The following PPIL6 variants were observed in gnomAD, a reference collection of about 807,000 sequenced individuals.
PPIL6 encodes the protein probable inactive peptidyl-prolyl cis-trans isomerase-like 6.
In PPIL6, 39 loss-of-function variants were observed where a neutral mutation model predicts 36.8. The observed-to-expected ratio is 1.06, with a 90% CI of 0.82 to 1.38. The LOEUF is 1.38. Among genes scored for constraint, PPIL6 ranks in the 40% most tolerant of loss-of-function variants. The pLI, the probability that PPIL6 is intolerant of heterozygous loss-of-function variation, is 0.00. For synonymous variants in PPIL6, 123 were observed against 134.1 expected, an observed-to-expected ratio of 0.92 and a Z score of 0.57; for missense variants, 368 against 379.1, an observed-to-expected ratio of 0.97 and a Z score of 0.24.
At chr6:109,394,848 A>G (rs1772231347) in intron 7 of PPIL6, among the ~76,000 whole-genome samples, 3 of 152,228 alleles carry the variant, frequency 2.0e-5, no homozygotes, top group African/African-American at 7.2e-5. Flanking sequence ...CTGCCAGTCT[A>G]CAAATTGTTT....
At chr6:109,408,939 A>G (rs9487091) in intron 6 of PPIL6, among the ~76,000 whole-genome samples, 14,914 of 152,204 alleles carry the variant, frequency 0.098, 1,984 homozygotes, top group African/African-American at 0.31. Flanking sequence ...ACAGGCCACT[A>G]CCTCTGATGA....
At chr6:109,395,344 T>C (rs1772250876) in intron 7 of PPIL6, among the ~76,000 whole-genome samples, 1 of 151,322 alleles carries the variant, frequency 6.6e-6, no homozygotes, top group African/African-American at 2.4e-5. Flanking sequence ...GAGGCAGAGG[T>C]TGCAGTGAGC....
intron 2 of PPIL6, among the ~76,000 whole-genome samples, chr6:109,434,774 T>C (rs1774353901): frequency 6.6e-6 from 1 of 152,104 alleles, no homozygotes; most frequent in African/African-American, 2.4e-5. Flanking sequence ...ACTGGGACCA[T>C]CTACAAGACT....
intron 7 of PPIL6, among the ~76,000 whole-genome samples, chr6:109,393,510 G>A (rs189597555): frequency 7.2e-4 from 109 of 152,156 alleles, no homozygotes; most frequent in African/African-American, 2.2e-3. Context: ...ATAAGTGTGC[G>A]CCACCACACC....
chr6:109,415,001 A>G (rs961107537), intron 6 of PPIL6, among the ~76,000 whole-genome samples: 5 of 152,192 alleles, frequency 3.3e-5, no homozygotes, highest in Non-Finnish European at 5.9e-5. Flanking sequence ...TATATCTACT[A>G]TTCATTAAGT....
At chr6:109,397,296 G>A (rs2115194402) in intron 7 of PPIL6, among the ~76,000 whole-genome samples, 1 of 151,970 alleles carries the variant, frequency 6.6e-6, no homozygotes, top group South Asian at 2.1e-4. Context: ...AGAGGAAGGT[G>A]GATCATAGAG....
chr6:109,424,233 G>A (rs1582577240), intron 5 of PPIL6, among the ~76,000 whole-genome samples: 1 of 152,134 alleles, frequency 6.6e-6, no homozygotes, highest in Non-Finnish European at 1.5e-5. Context: ...GGCAGGGGGT[G>A]AAACAAGGGA....
chr6:109,441,113 T>G (rs1471179708), upstream of PPIL6: 20 of 1,613,906 alleles, frequency 1.2e-5, no homozygotes, highest in Non-Finnish European at 1.6e-5. Context: ...CCCCTGGAGC[T>G]CCCCAACCAT....
chr6:109,398,225 A>C (rs1582523126), intron 7 of PPIL6, among the ~76,000 whole-genome samples: 1 of 152,216 alleles, frequency 6.6e-6, no homozygotes, highest in Admixed American at 6.5e-5. Context: ...TCGAAATCAG[A>C]ATACAATTTA....
chr6:109,413,763 A>G lies in PPIL6; in HGVS notation c.688+5424T>C, dbSNP rs1010834862. Among the ~76,000 whole-genome samples, 1 of 152,254 alleles carries G rather than the reference A, an allele frequency of 6.6e-6. No homozygotes were observed. The highest frequency in any genetic ancestry group is 2.4e-5 in the African/African-American group (1 of 41,482). On this transcript the variant is annotated intron_variant, in intron 6 of 7. Transcript: ENST00000521072. This position sits in a 1 kb window ranked among gnomAD's most constrained non-coding sequence, Gnocchi z 4.6. ...AAAGAAAATGTGGTACATATACACA[A>G]TGGAATACTATTCAGCCATAAAAAA...
chr6:109,408,770 T>C (rs1425169692), intron 6 of PPIL6, among the ~76,000 whole-genome samples: 2 of 152,220 alleles, frequency 1.3e-5, no homozygotes, highest in Non-Finnish European at 2.9e-5. Context: ...CTTTCTTTAA[T>C]ATTTGTCACT....
At position 109,391,485 on chromosome 6, in the gene PPIL6, G is replaced by C. The variant is rs1046727805; in HGVS notation, c.*1341C>G. 1 of 151,872 alleles carries C rather than the reference G, an allele frequency of 6.6e-6. No homozygotes were observed. Among genetic ancestry groups the C allele is most frequent in the African/African-American group, 2.4e-5 (1 of 41,312 alleles). 9.4% of individuals were successfully genotyped at this position (151,872 alleles called of 1,614,324 possible). A position where few individuals can be genotyped will look rare whatever the true frequency, so the allele number is the denominator to read the frequency against. On this transcript the variant is annotated 3_prime_UTR_variant, in exon 8 of 8. Coordinates refer to ENST00000521072, the MANE Select transcript of PPIL6 (RefSeq NM_173672.5). ...GTGATTCCCAGATGACTAGTGCCCA[G>C]CTGTCTAAATGGGAACCCTGGGGAA...
rs1772464655 is a variant in PPIL6, at chr6:109,400,032, T to C, written c.824+3A>G. The C allele has an allele frequency of 6.2e-7, 1 of 1,607,250 alleles. No homozygotes were observed. The highest frequency in any genetic ancestry group is 2.2e-5 in the East Asian group (1 of 44,818). On this transcript the variant is annotated splice_donor_region_variant and intron_variant, in intron 7 of 7. Transcript: ENST00000521072. The stretch of plus-strand genomic sequence containing the variant: ...TATATAAATAGATCTACAATATACA[T>C]ACCCAAAAGCCACAAATTTTCTATC...
intron 6 of PPIL6, among the ~76,000 whole-genome samples, chr6:109,408,131 A>T (rs1427415874): frequency 6.6e-6 from 1 of 152,252 alleles, no homozygotes; most frequent in Non-Finnish European, 1.5e-5. Context: ...TTGCATGTTG[A>T]TAAACCTGTG....
intron 7 of PPIL6, among the ~76,000 whole-genome samples, chr6:109,394,651 G>C (rs529476183): frequency 6.6e-6 from 1 of 152,128 alleles, no homozygotes; most frequent in Non-Finnish European, 1.5e-5. Context: ...TTGCCTTTGG[G>C]CTCTATTTTT....
chr6:109,434,038 C>T (rs533909949), intron 2 of PPIL6, among the ~76,000 whole-genome samples: 1 of 152,060 alleles, frequency 6.6e-6, no homozygotes, highest in Non-Finnish European at 1.5e-5. Context: ...AACCACAAAC[C>T]ATGAGACAGT....
intron 1 of PPIL6, 49 bp downstream of exon 1, chr6:109,440,407 A>G: frequency 6.6e-7 from 1 of 1,526,070 alleles, no homozygotes; most frequent in Non-Finnish European, 8.8e-7. Context: ...CGCGGCCGAG[A>G]GCGGGTAGCG....
Position 109,436,154 on chromosome 6 carries a change from C to G in PPIL6, c.181G>C (p.Val61Leu). The G allele has an allele frequency of 6.3e-7, 1 of 1,586,694 alleles. No homozygotes were observed. ...TGCCATGCAAATTCTTGAAGAGGAA[C>G]TAATATAGGATCTTCAAATTTGGAT... is the stretch of plus-strand genomic sequence containing the variant. ...HPSKFEDPIL[V>L]PLQEFAWHQY... is the part of the protein sequence containing the mutation. The change falls in exon 2 of 8, where the codon GTT (valine) becomes CTT (leucine). Residue 61 changes from valine (V) to leucine (L), a missense_variant. Physicochemically the swap from Val to Leu is conservative, Grantham distance 32 (BLOSUM62 1). Transcript: ENST00000521072.
chr6:109,440,615 A>C lies in PPIL6; in HGVS notation c.-25T>G. 8.1e-7 allele frequency: 1 copy of C among 1,233,200 alleles called. No homozygotes were observed. Among genetic ancestry groups the C allele is most frequent in the South Asian group, 3.4e-5 (1 of 29,768 alleles). 76.4% of individuals were successfully genotyped at this position (1,233,200 alleles called of 1,614,324 possible). ...TGGCCGCGCCCGGGGACGCCCGGTG[A>C]CCCCAAACACTGCGCGTCGCTCCGG... On this transcript the variant is annotated 5_prime_UTR_variant, in exon 1 of 8. Coordinates refer to ENST00000521072, the MANE Select transcript of PPIL6 (RefSeq NM_173672.5).
Sources: allele counts gnomAD v4.1 joint callset (sites outside exome capture counted in the v4.1 genomes callset), GRCh38; gene constraint gnomAD v4.1.1; non-coding constraint Gnocchi (gnomAD v3.1); transcripts MANE v1.5; gene names NCBI Gene and HGNC (gene_info 2026-07-23, HGNC 2026-07-21).